TRHDE: variants seen among roughly 807,000 people sequenced by gnomAD.
TRHDE encodes thyrotropin-releasing hormone-degrading ectoenzyme.
Under a neutral mutation model 125.7 loss-of-function variants are expected in TRHDE, and 72 were observed. The ratio of observed to expected loss-of-function variants is 0.57; its 90% CI spans 0.47 to 0.70. TRHDE has a LOEUF of 0.70. TRHDE is among the 30% of genes least tolerant of loss of function. The pLI, the probability that TRHDE is intolerant of heterozygous loss-of-function variation, is 0.00. For missense variants in TRHDE, 1,110 were observed against 1,327.1 expected (o/e 0.84, Z 2.54); for synonymous variants, 509 against 509.1 (o/e 1.00, Z 0.00).
chr12:72,647,088 A>G (rs1874313497), intron 15 of TRHDE, among the ~76,000 whole-genome samples: 1 of 152,072 alleles, frequency 6.6e-6, no homozygotes. Flanking sequence ...AACAAGTCTT[A>G]ACAAATTTAA....
intron 2 of TRHDE, among the ~76,000 whole-genome samples, chr12:72,110,831 G>A (rs1289175267): frequency 6.6e-6 from 1 of 152,080 alleles, no homozygotes; most frequent in Admixed American, 6.6e-5. Context: ...TTGTAAACGA[G>A]CCTAAATGGC....
chr12:72,294,652 C>A (rs997709280), intron 2 of TRHDE, among the ~76,000 whole-genome samples: 2 of 152,036 alleles, frequency 1.3e-5, no homozygotes, highest in African/African-American at 4.8e-5. Context: ...ACCACAAGTC[C>A]CTACTCTGGT....
chr12:72,291,583 G>T (rs1304757525), intron 2 of TRHDE, among the ~76,000 whole-genome samples: 1 of 152,208 alleles, frequency 6.6e-6, no homozygotes, highest in Non-Finnish European at 1.5e-5. Flanking sequence ...GATTCAGCCA[G>T]TGTGGATTAA....
At chr12:72,610,790 CA>C (rs1382555104) in intron 12 of TRHDE, 1 of 152,122 alleles carries the variant, frequency 6.6e-6, no homozygotes, top group Non-Finnish European at 1.5e-5. Context: ...GATTTAATGT[CA>C]CAGCAGTATT....
intron 12 of TRHDE, chr12:72,582,448 G>A (rs1592552902): frequency 2.0e-6 from 2 of 985,106 alleles, no homozygotes; most frequent in Non-Finnish European, 2.4e-6. Context: ...GACATTTTTC[G>A]GCATGGCTTT....
intron 2 of TRHDE, chr12:72,263,805 G>A (rs1879006171): frequency 6.6e-6 from 1 of 151,980 alleles, no homozygotes; most frequent in Non-Finnish European, 1.5e-5. Context: ...TTTGTTGTTG[G>A]TGGTGTGCTT....
chr12:72,477,637 A>G (rs1281797758), intron 5 of TRHDE, among the ~76,000 whole-genome samples: 1 of 152,214 alleles, frequency 6.6e-6, no homozygotes, highest in Non-Finnish European at 1.5e-5. Context: ...TGTTTCCTCA[A>G]AAGAGATAAA....
chr12:72,479,637 A>AT (rs751424857), intron 5 of TRHDE, among the ~76,000 whole-genome samples: 266 of 106,938 alleles, frequency 2.5e-3, no homozygotes, highest in South Asian at 0.015. Context: ...TTTTTAAAGG[A>AT]TTTTTTTTTG....
chr12:72,579,123 G>A (rs1871131481), intron 12 of TRHDE, among the ~76,000 whole-genome samples: 2 of 151,702 alleles, frequency 1.3e-5, no homozygotes, highest in Admixed American at 6.6e-5. Context: ...CTTTTGTTGT[G>A]TATGTGTATT....
chr12:72,386,655 G>T (rs937617194), intron 3 of TRHDE, among the ~76,000 whole-genome samples: 1 of 152,014 alleles, frequency 6.6e-6, no homozygotes, highest in African/African-American at 2.4e-5. Flanking sequence ...TTGTCCATCT[G>T]CACTGACTTG....
At chr12:72,238,275 AATATATATATAT>A (rs71071820) in intron 2 of TRHDE, among the ~76,000 whole-genome samples, 1,515 of 38,202 alleles carry the variant, frequency 0.04, 138 homozygotes, top group African/African-American at 0.13. Flanking sequence ...TCAGATCCTT[AATATATATATAT>A]ATATATATAT....
In TRHDE at chr12:72,334,553, C is replaced by T. The variant is rs182820186; in HGVS notation, c.1189-43442C>T. Among the ~76,000 whole-genome samples the T allele has an allele frequency of 2.0e-5, 3 of 152,286 alleles. No homozygotes were observed. In the East Asian group the frequency reaches 5.8e-4, roughly 29 times the overall value. ...TTTTACCTGGCAGACGGCCTGATGC[C>T]CAGCTGTCTGATCTGCAACCAGGGG... On this transcript the variant is annotated intron_variant, in intron 2 of 18. Coordinates refer to ENST00000261180, the MANE Select transcript of TRHDE (RefSeq NM_013381.3).
intron 6 of TRHDE, among the ~76,000 whole-genome samples, chr12:72,515,082 G>T (rs541951147): frequency 3.7e-5 from 5 of 134,448 alleles, no homozygotes; most frequent in Admixed American, 2.3e-4. Flanking sequence ...ATTGTGAATA[G>T]TGCTGCAATA....
chr12:72,458,021 C>T (rs763338226), intron 3 of TRHDE, among the ~76,000 whole-genome samples: 4 of 152,110 alleles, frequency 2.6e-5, no homozygotes, highest in Non-Finnish European at 4.4e-5. Context: ...CTCCTGAGTT[C>T]CATGCTGTGG....
rs529250600 is a variant in TRHDE at position 72,617,763 on chromosome 12, G to C, written c.2322-1128G>C. 3.9e-5 allele frequency among the ~76,000 whole-genome samples: 6 copies of C among 152,270 alleles called. No homozygotes were observed. The South Asian group carries it at 1.2e-3, about 32-fold the overall frequency. ...GTTCCAGCAGATGAGAGCTTGGTCTGCTTCAAAGATTGTGCCTTCTTGCTG... is the reference window on the plus strand; with the variant it reads ...GTTCCAGCAGATGAGAGCTTGGTCTCCTTCAAAGATTGTGCCTTCTTGCTG... On this transcript the variant is annotated intron_variant, in intron 12 of 18. Coordinates refer to ENST00000261180, the MANE Select transcript of TRHDE (RefSeq NM_013381.3).
intron 3 of TRHDE, among the ~76,000 whole-genome samples, chr12:72,467,178 A>G (rs1263743650): frequency 6.6e-6 from 1 of 152,102 alleles, no homozygotes; most frequent in African/African-American, 2.4e-5. Context: ...GGTGTGCTGC[A>G]CACATTAACT....
chr12:72,195,683 C>T (rs1219097223), intron 2 of TRHDE, among the ~76,000 whole-genome samples: 1 of 152,008 alleles, frequency 6.6e-6, no homozygotes, highest in Non-Finnish European at 1.5e-5. Flanking sequence ...TGTCTGTTTA[C>T]TCTGTCAATA....
intron 3 of TRHDE, among the ~76,000 whole-genome samples, chr12:72,435,353 C>A (rs1465899785): frequency 6.6e-6 from 1 of 152,068 alleles, no homozygotes; most frequent in Non-Finnish European, 1.5e-5. Context: ...GGACTGATGT[C>A]TTTTGATGTC....
intron 2 of TRHDE, among the ~76,000 whole-genome samples, chr12:72,290,268 T>A (rs1479637284): frequency 6.6e-6 from 1 of 152,230 alleles, no homozygotes; most frequent in Non-Finnish European, 1.5e-5. Flanking sequence ...TATATCTCTA[T>A]GGAATATAGT....
Sources: allele counts gnomAD v4.1 joint callset (sites outside exome capture counted in the v4.1 genomes callset), GRCh38; gene constraint gnomAD v4.1.1; transcripts MANE v1.5; gene names NCBI Gene and HGNC (gene_info 2026-07-23, HGNC 2026-07-21).